Variants in SLC38A12 observed in about 807,000 individuals in gnomAD.
SLC38A12 encodes solute carrier family 38 member 12.
chr17:74,792,907 G>C, the SLC38A12 span, among the ~76,000 whole-genome samples: 9 of 152,300 alleles, frequency 5.9e-5, no homozygotes, highest in South Asian at 6.2e-4. Context: ...AAGCATAAGC[G>C]TTTCCTCCTG....
chr17:74,816,234 A>G, the SLC38A12 span, among the ~76,000 whole-genome samples: 419 of 152,292 alleles, frequency 2.8e-3, 2 homozygotes, highest in African/African-American at 9.4e-3. Flanking sequence ...GCAAGAGGGC[A>G]CTTCTGGCCT....
At chr17:74,824,397 G>T in the SLC38A12 span, among the ~76,000 whole-genome samples, 1 of 152,290 alleles carries the variant, frequency 6.6e-6, no homozygotes, top group South Asian at 2.1e-4. Context: ...CAGGCCCAGC[G>T]CAGGGACTTC....
At chr17:74,789,015 G>A in the SLC38A12 span, 2 of 658,638 alleles carry the variant, frequency 3.0e-6, no homozygotes, top group Non-Finnish European at 4.9e-6. Flanking sequence ...CAGAGCTGAA[G>A]CTTAATAGCC....
At chr17:74,826,627 C>A in the SLC38A12 span, among the ~76,000 whole-genome samples, 1 of 152,152 alleles carries the variant, frequency 6.6e-6, no homozygotes, top group Non-Finnish European at 1.5e-5. Flanking sequence ...GCTTTTGGTG[C>A]CTGGCACATC....
the SLC38A12 span, chr17:74,836,409 C>G: frequency 6.2e-7 from 1 of 1,610,722 alleles, no homozygotes; most frequent in Non-Finnish European, 8.5e-7. The surrounding 1 kb of genome is among the most constrained non-coding windows in gnomAD (Gnocchi z 4.2). Context: ...CACCATCACC[C>G]TGGTGCCGCC....
At chr17:74,789,447 G>A in the SLC38A12 span, among the ~76,000 whole-genome samples, 528 of 151,318 alleles carry the variant, frequency 3.5e-3, 2 homozygotes, top group African/African-American at 0.012. Flanking sequence ...CAAGAATTGC[G>A]TGAATCGGGG....
At chr17:74,834,244 G>A in the SLC38A12 span, among the ~76,000 whole-genome samples, 2 of 152,220 alleles carry the variant, frequency 1.3e-5, no homozygotes, top group African/African-American at 2.4e-5. Flanking sequence ...GCTGAGACTG[G>A]AAGGAGGAAC....
chr17:74,799,332 T>C, the SLC38A12 span, among the ~76,000 whole-genome samples: 3 of 152,332 alleles, frequency 2.0e-5, no homozygotes, highest in African/African-American at 4.8e-5. Flanking sequence ...AGAGCGGAGC[T>C]TATCCTGGCT....
chr17:74,824,570 C>T, the SLC38A12 span, among the ~76,000 whole-genome samples: 7 of 152,148 alleles, frequency 4.6e-5, no homozygotes, highest in African/African-American at 1.7e-4. Flanking sequence ...TGGCTTGGTG[C>T]GGGGCGCCCC....
chr17:74,836,213 C>G, the SLC38A12 span: 1 of 1,611,920 alleles, frequency 6.2e-7, no homozygotes. This position sits in a 1 kb window ranked among gnomAD's most constrained non-coding sequence, Gnocchi z 4.2. Flanking sequence ...ACATGTACAC[C>G]CTCAACTTCG....
the SLC38A12 span, among the ~76,000 whole-genome samples, chr17:74,783,844 C>T: frequency 6.6e-6 from 1 of 151,080 alleles, no homozygotes; most frequent in African/African-American, 2.4e-5. Flanking sequence ...GATCCCCCTG[C>T]CTCAGCCTCC....
the SLC38A12 span, chr17:74,791,063 T>G: frequency 1.1e-5 from 18 of 1,597,664 alleles, no homozygotes; most frequent in African/African-American, 2.7e-5. Flanking sequence ...GGGTGGGGTG[T>G]GGGGAAACGG....
chr17:74,786,512 G>A, the SLC38A12 span, among the ~76,000 whole-genome samples: 28 of 152,230 alleles, frequency 1.8e-4, no homozygotes, highest in African/African-American at 6.5e-4. Context: ...ATGGGTAAAT[G>A]GAAGAGTGAG....
At chr17:74,788,752 C>T in the SLC38A12 span, 2 of 1,592,638 alleles carry the variant, frequency 1.3e-6, no homozygotes, top group Admixed American at 3.4e-5. Context: ...CTCCTCCAAC[C>T]TGTCCGCCTT....
chr17:74,795,117 T>C, the SLC38A12 span: 83 of 1,612,992 alleles, frequency 5.1e-5, no homozygotes, highest in African/African-American at 7.3e-4. Flanking sequence ...ACCTGGTGAG[T>C]ACCCTCCTGG....
the SLC38A12 span, chr17:74,790,127 G>A: frequency 7.9e-7 from 1 of 1,262,420 alleles, no homozygotes; most frequent in Non-Finnish European, 1.1e-6. Context: ...CTAACATTCT[G>A]TACTTTTTTG....
At chr17:74,807,367 C>T in the SLC38A12 span, among the ~76,000 whole-genome samples, 6 of 152,244 alleles carry the variant, frequency 3.9e-5, no homozygotes, top group African/African-American at 1.2e-4. Context: ...CATGGCCCAT[C>T]GCAGCGTGGT....
chr17:74,810,469 T>C, the SLC38A12 span, among the ~76,000 whole-genome samples: 6 of 152,208 alleles, frequency 3.9e-5, no homozygotes. Flanking sequence ...CTAACACTAA[T>C]CACTGCTGCA....
At chr17:74,798,514 G>T in the SLC38A12 span, among the ~76,000 whole-genome samples, 1 of 152,282 alleles carries the variant, frequency 6.6e-6, no homozygotes, top group African/African-American at 2.4e-5. Context: ...TGTGCTTCCC[G>T]GCGCGGCTGA....
Sources: gnomAD v4.1 joint callset for allele counts (sites outside exome capture counted in the v4.1 genomes callset) on GRCh38, gnomAD v4.1.1 for gene constraint, Gnocchi (gnomAD v3.1) non-coding constraint, MANE v1.5 for transcripts, NCBI Gene and HGNC (gene_info 2026-07-23, HGNC 2026-07-21) for gene names.